PDE2A: variants seen among roughly 807,000 people sequenced by gnomAD.
PDE2A encodes the protein phosphodiesterase 2A.
Under a neutral mutation model 133.6 loss-of-function variants are expected in PDE2A, and 53 were observed. The ratio of observed to expected loss-of-function variants is 0.40; its 90% CI spans 0.32 to 0.50. The LOEUF (loss-of-function observed/expected upper bound fraction) is 0.50. Among genes scored for constraint, PDE2A ranks in the 20% least tolerant of loss-of-function variants. The pLI is 0.73. For synonymous variants in PDE2A, 491 were observed against 490.2 expected, an observed-to-expected ratio of 1.00 and a Z score of -0.02; for missense variants, 796 against 1,232.4, an observed-to-expected ratio of 0.65 and a Z score of 5.30.
chr11:72,608,596 C>T (rs1565167210), intron 3 of PDE2A, 66 bp downstream of exon 3: 7 of 814,970 alleles, frequency 8.6e-6, no homozygotes, highest in East Asian at 2.6e-5. Context: ...GAGTGAGGTA[C>T]AGCATAGAGC....
chr11:72,668,121 C>A (rs1184022862), intron 1 of PDE2A, among the ~76,000 whole-genome samples: 1 of 152,242 alleles, frequency 6.6e-6, no homozygotes, highest in Non-Finnish European at 1.5e-5. Flanking sequence ...AGTCCAAACT[C>A]TCAGCCTGGA....
In PDE2A at chr11:72,578,990, G is replaced by C. The variant is rs1358279309; in HGVS notation, c.2376C>G (p.Asn792Lys). The C allele has an allele frequency of 6.2e-7, 1 of 1,613,324 alleles. No homozygotes were observed. The highest frequency in any genetic ancestry group is 8.5e-7 in the Non-Finnish European group (1 of 1,179,242). The change falls in exon 28 of 31, where the codon AAC becomes AAG. Residue 792 changes from asparagine (N) to lysine (K), a missense_variant. By Grantham distance (94) the Asn-to-Lys change is moderately conservative. Coordinates refer to ENST00000334456, the MANE Select transcript of PDE2A (RefSeq NM_002599.5). The surrounding 1 kb of genome is among the most constrained non-coding windows in gnomAD (Gnocchi z 4.2). ...KMAEVGYDRN[N>K]KQHHRLLLCL... ...AGAGGAGAAGTCTGTGGTGCTGCTT[G>C]TTGTTTCGGTCGTAGCCCACTGTTG...
At chr11:72,640,151 C>T (rs1204741015) in intron 2 of PDE2A, among the ~76,000 whole-genome samples, 1 of 152,014 alleles carries the variant, frequency 6.6e-6, no homozygotes, top group Non-Finnish European at 1.5e-5. Context: ...CACACCCTCA[C>T]TTCACACCAC....
rs1196985822 is a variant in PDE2A, at chr11:72,642,245, C to T, written c.144+9G>A. ...GTTCTCCTGGTGCCCAGCGCGGGGG[C>T]CCCCCTACCTGCAGGCTGTCGGCGC... On this transcript the variant is annotated intron_variant, in intron 2 of 30. Transcript: ENST00000334456. The T allele has an allele frequency of 2.0e-6, 3 of 1,503,588 alleles. No homozygotes were observed. The highest frequency in any genetic ancestry group is 1.8e-6 in the Non-Finnish European group (2 of 1,128,026). 93.1% of individuals were successfully genotyped at this position (1,503,588 alleles called of 1,614,324 possible).
At position 72,597,567 on chromosome 11, in the gene PDE2A, C is replaced by T; in HGVS notation, c.376G>A (p.Asp126Asn). 1 of 1,612,556 alleles carries T rather than the reference C, an allele frequency of 6.2e-7. No individual in the cohort carries two copies. The highest frequency in any genetic ancestry group is 8.5e-7 in the Non-Finnish European group (1 of 1,179,912). The change falls in exon 5 of 31, where the codon GAC (aspartate) becomes AAC (asparagine). Residue 126 changes from aspartate to asparagine, a missense_variant. Asp to Asn is a conservative substitution (Grantham distance 23). This residue lies in a region of PDE2A where 417 missense variants were observed against 475.3 expected (regional missense o/e 0.88). Coordinates refer to ENST00000334456, the MANE Select transcript of PDE2A (RefSeq NM_002599.5). This position sits in a 1 kb window ranked among gnomAD's most constrained non-coding sequence, Gnocchi z 4.6. ...RLGCNGLGFS[D>N]LPGKPLARLV... Reference sequence around the variant, plus strand: ...CTGGCCAAGGGCTTCCCTGGCAGGTCTGAGAAGCCCAGCCCATTGCAGCCC... The same window carrying T: ...CTGGCCAAGGGCTTCCCTGGCAGGTTTGAGAAGCCCAGCCCATTGCAGCCC...
intron 4 of PDE2A, chr11:72,598,453 A>G: frequency 8.1e-7 from 1 of 1,237,392 alleles, no homozygotes. Flanking sequence ...CTGTCCCACC[A>G]CACAACCCAC....
At position 72,589,167 on chromosome 11, in the gene PDE2A, T is replaced by C. The variant is rs1856116741; in HGVS notation, c.939+8A>G. 3.1e-6 allele frequency: 5 copies of C among 1,611,946 alleles called. No individual in the cohort carries two copies. Among genetic ancestry groups the C allele is most frequent in the Admixed American group, 3.3e-5 (2 of 59,928 alleles). On this transcript the variant is annotated splice_region_variant and intron_variant, in intron 12 of 30. Coordinates refer to ENST00000334456, the MANE Select transcript of PDE2A (RefSeq NM_002599.5). ...TTTCCCCTCTGGGTCAGCCAGGCCA[T>C]GACTTACGGAGGTGAGGTCCTTCAG...
At chr11:72,614,025 C>T (rs752248773) in intron 2 of PDE2A, among the ~76,000 whole-genome samples, 1 of 152,236 alleles carries the variant, frequency 6.6e-6, no homozygotes, top group Non-Finnish European at 1.5e-5. Flanking sequence ...CAGAGAAGCC[C>T]GCTTCAGCTG....
At chr11:72,615,578 C>T (rs1361318182) in intron 2 of PDE2A, among the ~76,000 whole-genome samples, 2 of 152,144 alleles carry the variant, frequency 1.3e-5, no homozygotes, top group Admixed American at 1.3e-4. Context: ...CGGGGCAGAG[C>T]CAGCTCAGGT....
At chr11:72,672,279 G>C (rs904725880) in intron 1 of PDE2A, among the ~76,000 whole-genome samples, 1 of 151,942 alleles carries the variant, frequency 6.6e-6, no homozygotes, top group Non-Finnish European at 1.5e-5. Context: ...AAGTTCAAGC[G>C]ATTCTCATAT....
chr11:72,590,450 T>C lies in PDE2A; in HGVS notation c.680A>G (p.Asp227Gly), dbSNP rs760356177. The C allele has an allele frequency of 6.4e-7, 1 of 1,552,172 alleles. No homozygotes were observed. The highest frequency in any genetic ancestry group is 2.3e-5 in the East Asian group (1 of 43,524). ...ACCGCACAGTTGGAGGATCTTGCGGTCGCGGTCGGTGTACGCCGCCCCGCC... is the reference window on the plus strand; with the variant it reads ...ACCGCACAGTTGGAGGATCTTGCGGCCGCGGTCGGTGTACGCCGCCCCGCC... ...QKGGAAYTDR[D>G]RKILQLCGEL... Residue 227 changes from aspartate (D) to glycine (G), a missense_variant, in exon 8 of 31, where the codon GAC becomes GGC. Physicochemically the swap from Asp to Gly is moderately conservative, Grantham distance 94 (BLOSUM62 -1). Around this residue, in one of 7 missense-constraint regions of PDE2A, gnomAD observed 417 missense variants for 475.3 expected, o/e 0.88. Coordinates refer to ENST00000334456, the MANE Select transcript of PDE2A (RefSeq NM_002599.5). This position sits in a 1 kb window ranked among gnomAD's most constrained non-coding sequence, Gnocchi z 4.8.
Position 72,597,684 on chromosome 11 carries a change from G to T in PDE2A, c.324-65C>A. ...TCAGGGAGGAACGAGGCCTGGCCTGGGAACACAGGACAGTTTGGACCCTGC... is the reference window on the plus strand; with the variant it reads ...TCAGGGAGGAACGAGGCCTGGCCTGTGAACACAGGACAGTTTGGACCCTGC... On this transcript the variant is annotated intron_variant, in intron 4 of 30. Coordinates refer to ENST00000334456, the MANE Select transcript of PDE2A (RefSeq NM_002599.5). This position sits in a 1 kb window ranked among gnomAD's most constrained non-coding sequence, Gnocchi z 4.6. 9.2e-7 allele frequency: 1 copy of T among 1,087,598 alleles called. No homozygotes were observed. Among genetic ancestry groups the T allele is most frequent in the Non-Finnish European group, 1.4e-6 (1 of 723,464 alleles). The allele number at this position is 1,087,598 out of a possible 1,614,324, so 67.4% of individuals were successfully genotyped here.
At chr11:72,650,850 CCCTG>C (rs1854716400) in intron 1 of PDE2A, among the ~76,000 whole-genome samples, 11 of 8,348 alleles carry the variant, frequency 1.3e-3, no homozygotes, top group Non-Finnish European at 4.6e-3. Flanking sequence ...TAGAGTCAGT[CCCTG>C]ACCCCTGACC....
intron 2 of PDE2A, among the ~76,000 whole-genome samples, chr11:72,642,021 A>C (rs1043098845): frequency 2.6e-5 from 4 of 152,222 alleles, no homozygotes; most frequent in African/African-American, 9.6e-5. Flanking sequence ...CTGGAAGCTC[A>C]GTGCTTGGGG....
intron 1 of PDE2A, chr11:72,657,821 G>T (rs1354405475): frequency 4.4e-6 from 2 of 454,912 alleles, no homozygotes; most frequent in Non-Finnish European, 8.8e-6. Flanking sequence ...AACAAGCACA[G>T]ACCTGCCCCC....
intron 1 of PDE2A, among the ~76,000 whole-genome samples, chr11:72,668,803 C>T (rs1591149787): frequency 1.3e-5 from 2 of 152,190 alleles, no homozygotes; most frequent in South Asian, 2.1e-4. Flanking sequence ...ATGAGGTGGC[C>T]ACACTTCTCT....
At chr11:72,668,227 T>A in intron 1 of PDE2A, 1 of 716,888 alleles carries the variant, frequency 1.4e-6, no homozygotes, top group African/African-American at 1.7e-5. Flanking sequence ...GGAACAGTAA[T>A]GTATGGAAAG....
At chr11:72,653,506 G>A (rs868797832) in intron 1 of PDE2A, among the ~76,000 whole-genome samples, 3 of 152,212 alleles carry the variant, frequency 2.0e-5, no homozygotes, top group Non-Finnish European at 4.4e-5. Context: ...GTGTGCCAGG[G>A]AGTGAGGCAG....
chr11:72,647,677 C>T (rs556132213), intron 1 of PDE2A, among the ~76,000 whole-genome samples: 1 of 152,368 alleles, frequency 6.6e-6, no homozygotes, highest in East Asian at 1.9e-4. Context: ...TCTGCAGGTT[C>T]TGCCTCCATC....
Sources: gnomAD v4.1 joint callset for allele counts (sites outside exome capture counted in the v4.1 genomes callset) on GRCh38, gnomAD v4.1.1 for gene constraint, gnomAD v4.1.1 regional missense constraint, Gnocchi (gnomAD v3.1) non-coding constraint, MANE v1.5 for transcripts, NCBI Gene and HGNC (gene_info 2026-07-23, HGNC 2026-07-21) for gene names.